The following NINL variants were observed in gnomAD, a reference collection of about 807,000 sequenced individuals.
NINL encodes ninein-like protein.
In NINL, 153 loss-of-function variants were observed where a neutral mutation model predicts 160.3. That is an observed-to-expected ratio of 0.95 (90% CI 0.84 to 1.09). NINL has a LOEUF of 1.09. Ranked by LOEUF, NINL falls within the 50% of genes least tolerant of loss-of-function variation. The pLI, the probability that NINL is intolerant of heterozygous loss-of-function variation, is 0.00. For synonymous variants in NINL, 800 were observed against 734.8 expected (o/e 1.09, Z -1.43); for missense variants, 1,829 against 1,764.0 (o/e 1.04, Z -0.66).
chr20:25,479,159 C>T lies in NINL; in HGVS notation c.1965G>A (p.Glu655=), dbSNP rs1488132406. The T allele has an allele frequency of 6.2e-7, 1 of 1,612,306 alleles. No individual in the cohort carries two copies. ...CCTGCTCCATGTCCTTCCTCTCCTTCTCAAAGTTCCTTTTCAGTGCCGCAA... is the reference window on the plus strand; with the variant it reads ...CCTGCTCCATGTCCTTCCTCTCCTTTTCAAAGTTCCTTTTCAGTGCCGCAA... The part of the protein sequence containing the change: ...REIAALKRNF[E]KERKDMEQAR... Residue 655 remains glutamate (E), a synonymous_variant, in exon 16 of 24, where the codon GAG becomes GAA. Transcript: ENST00000278886.
chr20:25,528,915 A>T (rs145858821), intron 1 of NINL, among the ~76,000 whole-genome samples: 17 of 152,368 alleles, frequency 1.1e-4, no homozygotes, highest in African/African-American at 4.1e-4. Flanking sequence ...AGCAAGGCAC[A>T]GCACAGTAAA....
At chr20:25,461,300 G>A (rs6107045) in intron 21 of NINL, among the ~76,000 whole-genome samples, 61,873 of 152,036 alleles carry the variant, frequency 0.41, 13,661 homozygotes, top group East Asian at 0.92. Context: ...TCCTTCCCTC[G>A]GGAGTAAACA....
intron 21 of NINL, 58 bp downstream of exon 21, chr20:25,461,464 G>A: frequency 1.9e-6 from 2 of 1,052,346 alleles, no homozygotes; most frequent in East Asian, 2.5e-5. Context: ...TGGCACTGCG[G>A]TGATGCTGCT....
At chr20:25,539,445 C>T (rs1475600998) in intron 1 of NINL, among the ~76,000 whole-genome samples, 3 of 152,204 alleles carry the variant, frequency 2.0e-5, no homozygotes, top group African/African-American at 4.8e-5. Context: ...TGTGGCCTCG[C>T]GGTCTATAGG....
At chr20:25,484,242 T>C (rs1601101857) in intron 13 of NINL, among the ~76,000 whole-genome samples, 1 of 152,244 alleles carries the variant, frequency 6.6e-6, no homozygotes, top group African/African-American at 2.4e-5. Context: ...AAAAGTGAGT[T>C]TGCAGAGATC....
At chr20:25,487,471 A>G (rs2063526260) in intron 13 of NINL, among the ~76,000 whole-genome samples, 1 of 152,226 alleles carries the variant, frequency 6.6e-6, no homozygotes, top group South Asian at 2.1e-4. Context: ...CAGTCATAAC[A>G]TGCCCAGCCG....
At chr20:25,494,689 G>A (rs190854274) in intron 10 of NINL, among the ~76,000 whole-genome samples, 2 of 152,338 alleles carry the variant, frequency 1.3e-5, no homozygotes, top group Admixed American at 1.3e-4. Context: ...GGCTGCAGGA[G>A]GTGCAGCGGG....
chr20:25,540,958 T>G (rs2064653568), intron 1 of NINL, among the ~76,000 whole-genome samples: 1 of 151,638 alleles, frequency 6.6e-6, no homozygotes, highest in African/African-American at 2.4e-5. Flanking sequence ...TCAAATAAGG[T>G]TTAAGAAGCT....
At chr20:25,539,691 T>C (rs2064628860) in intron 1 of NINL, among the ~76,000 whole-genome samples, 1 of 152,054 alleles carries the variant, frequency 6.6e-6, no homozygotes, top group Admixed American at 6.5e-5. Context: ...ATACAACCAA[T>C]GCAAATGACA....
rs770146727 is a variant in NINL at position 25,476,611 on chromosome 20, C to T, written c.2680G>A (p.Ala894Thr). The T allele has an allele frequency of 4.1e-5, 65 of 1,594,646 alleles. No individual in the cohort carries two copies. The South Asian group carries it at 6.3e-4, about 16-fold the overall frequency. ...GGGCCGTGGGATGCCGGGGCAGGGG[C>T]GGGGGCCGGGCTCTGCGTAGCTTCT... ...DTEATQSPAP[A>T]PAPASHGPSE... is the part of the protein sequence containing the mutation. Residue 894 changes from alanine to threonine, a missense_variant, in exon 17 of 24, where the codon GCC becomes ACC. Coordinates refer to ENST00000278886, the MANE Select transcript of NINL (RefSeq NM_025176.6).
intron 23 of NINL, among the ~76,000 whole-genome samples, chr20:25,454,020 C>T (rs2090605106): frequency 6.6e-6 from 1 of 151,984 alleles, no homozygotes; most frequent in African/African-American, 2.4e-5. Flanking sequence ...CCACTGCACT[C>T]CATCCAGCCT....
At chr20:25,547,853 T>C (rs889761215) in intron 1 of NINL, among the ~76,000 whole-genome samples, 5 of 152,174 alleles carry the variant, frequency 3.3e-5, no homozygotes, top group Admixed American at 6.5e-5. Context: ...TACACGCTGA[T>C]GGGAAATAAA....
At chr20:25,461,064 C>A (rs999491222) in intron 21 of NINL, among the ~76,000 whole-genome samples, 3 of 152,216 alleles carry the variant, frequency 2.0e-5, no homozygotes, top group Admixed American at 2.0e-4. Context: ...GCCACCATAG[C>A]CCAGCCTCCT....
chr20:25,566,148 CAGAT>C (rs1407008386), intron 1 of NINL, among the ~76,000 whole-genome samples: 1 of 152,212 alleles, frequency 6.6e-6, no homozygotes, highest in Non-Finnish European at 1.5e-5. Context: ...AATACACAGA[CAGAT>C]ACCCTGTTGG....
At chr20:25,547,654 G>C (rs2064752394) in intron 1 of NINL, among the ~76,000 whole-genome samples, 1 of 152,218 alleles carries the variant, frequency 6.6e-6, no homozygotes, top group African/African-American at 2.4e-5. Context: ...GAAGTGTTCT[G>C]CTGAGTAGAG....
In NINL at chr20:25,480,160, C is replaced by T; in HGVS notation, c.1917+1G>A. ...GCCCCACAGCCCCATAATCCCCTCA[C>T]CTTGGTCTCCAGCTGGGTCCTGAGG... On this transcript the variant is annotated splice_donor_variant, in intron 15 of 23. Transcript: ENST00000278886. LOFTEE classifies it high-confidence loss of function. 6.2e-7 allele frequency: 1 copy of T among 1,612,630 alleles called. No homozygotes were observed. Among genetic ancestry groups the T allele is most frequent in the Middle Eastern group, 1.7e-4 (1 of 5,994 alleles).
intron 1 of NINL, among the ~76,000 whole-genome samples, chr20:25,558,574 G>A (rs1162166039): frequency 6.6e-6 from 1 of 152,260 alleles, no homozygotes; most frequent in Non-Finnish European, 1.5e-5. Flanking sequence ...CAAGGAAGCT[G>A]ACTAAGGTAA....
intron 16 of NINL, among the ~76,000 whole-genome samples, chr20:25,477,924 G>C (rs1022445251): frequency 1.7e-5 from 2 of 118,678 alleles, no homozygotes; most frequent in African/African-American, 5.7e-5. Flanking sequence ...ATGGACAGAC[G>C]ACTTTTTTTT....
intron 13 of NINL, among the ~76,000 whole-genome samples, chr20:25,487,220 T>C (rs532791204): frequency 6.6e-6 from 1 of 152,356 alleles, no homozygotes; most frequent in African/African-American, 2.4e-5. Context: ...TTAAAATTAT[T>C]ATTAAAGCTA....
Sources: gnomAD v4.1 joint callset for allele counts (sites outside exome capture counted in the v4.1 genomes callset) on GRCh38, gnomAD v4.1.1 for gene constraint, MANE v1.5 for transcripts, NCBI Gene and HGNC (gene_info 2026-07-23, HGNC 2026-07-21) for gene names.